Variants in AKNAD1 observed in about 807,000 individuals in gnomAD.
AKNAD1 encodes protein AKNAD1.
A neutral mutation model predicts 90.8 loss-of-function variants in AKNAD1; 67 were observed. That is an observed-to-expected ratio of 0.74 (90% CI 0.61 to 0.90). The LOEUF (loss-of-function observed/expected upper bound fraction) is 0.90, where lower values mean the gene tolerates loss of function less well. Ranked by LOEUF, AKNAD1 falls within the 40% of genes least tolerant of loss-of-function variation. The pLI is 0.00. For missense variants in AKNAD1, 957 were observed against 975.4 expected, an observed-to-expected ratio of 0.98 and a Z score of 0.25; for synonymous variants, 327 against 341.4, an observed-to-expected ratio of 0.96 and a Z score of 0.46.
intron 9 of AKNAD1, among the ~76,000 whole-genome samples, chr1:108,832,156 G>A (rs1034266193): frequency 2.0e-5 from 3 of 150,314 alleles, no homozygotes; most frequent in Non-Finnish European, 4.4e-5. Flanking sequence ...TGCATCATGA[G>A]TAAGTGGGAA....
intron 9 of AKNAD1, among the ~76,000 whole-genome samples, chr1:108,833,103 G>C (rs1570807576): frequency 6.6e-6 from 1 of 152,086 alleles, no homozygotes; most frequent in Non-Finnish European, 1.5e-5. Context: ...ATGTGTCAGA[G>C]TACATTAGTA....
At chr1:108,832,051 T>A (rs887168837) in intron 9 of AKNAD1, among the ~76,000 whole-genome samples, 4 of 152,154 alleles carry the variant, frequency 2.6e-5, no homozygotes, top group African/African-American at 9.7e-5. Context: ...GCTTCCCTTA[T>A]AGTCTCCTTA....
intron 6 of AKNAD1, among the ~76,000 whole-genome samples, chr1:108,842,396 C>T (rs1471723951): frequency 6.6e-6 from 1 of 152,128 alleles, no homozygotes; most frequent in Non-Finnish European, 1.5e-5. Flanking sequence ...AGAATCCTCT[C>T]CTTGAGTCCT....
intron 5 of AKNAD1, among the ~76,000 whole-genome samples, chr1:108,846,128 C>T (rs74115624): frequency 0.014 from 2,122 of 152,244 alleles, 52 homozygotes; most frequent in African/African-American, 0.047. Context: ...GCACGACATC[C>T]GCTCCAAAAT....
At chr1:108,845,103 G>A (rs1238284219) in intron 5 of AKNAD1, among the ~76,000 whole-genome samples, 2 of 152,128 alleles carry the variant, frequency 1.3e-5, no homozygotes, top group African/African-American at 4.8e-5. Flanking sequence ...ACAGGCATGA[G>A]CCACCACTCC....
At chr1:108,855,465 AT>A (rs1324109911) in intron 1 of AKNAD1, among the ~76,000 whole-genome samples, 2 of 150,632 alleles carry the variant, frequency 1.3e-5, no homozygotes, top group Non-Finnish European at 3.0e-5. Flanking sequence ...TTAAAACTCA[AT>A]CTGTAAATAA....
At chr1:108,826,809 G>A (rs1483472118) in intron 11 of AKNAD1, among the ~76,000 whole-genome samples, 6 of 144,622 alleles carry the variant, frequency 4.1e-5, no homozygotes, top group African/African-American at 1.6e-4. Flanking sequence ...GCATGATCAT[G>A]GCTCACTGCA....
rs1399472677 is a variant in AKNAD1 at position 108,829,054 on chromosome 1, C to A, written c.1838+1505G>T. On this transcript the variant is annotated intron_variant, in intron 10 of 15. Transcript: ENST00000370001. ...ACAAATATCCTGAAAACAGTATGTA[C>A]CTCAGCAAGCTTCATAAAGGACAAG... Among the ~76,000 whole-genome samples the A allele has an allele frequency of 2.0e-5, 3 of 151,754 alleles. 1 individual carries two copies. The East Asian group carries it at 5.9e-4, about 30-fold the overall frequency.
chr1:108,851,579 A>G, intron 2 of AKNAD1, 93 bp downstream of exon 2: 1 of 1,289,286 alleles, frequency 7.8e-7, no homozygotes, highest in Non-Finnish European at 1.1e-6. Context: ...CTTTGGAACT[A>G]GAACCAAGCT....
intron 5 of AKNAD1, among the ~76,000 whole-genome samples, chr1:108,847,098 C>A (rs1222449605): frequency 6.6e-6 from 1 of 152,090 alleles, no homozygotes; most frequent in East Asian, 1.9e-4. Flanking sequence ...GCTTCCGAAC[C>A]AATCTCTGTG....
intron 6 of AKNAD1, among the ~76,000 whole-genome samples, chr1:108,838,328 C>CAAA (rs1557833302): frequency 6.9e-6 from 1 of 145,130 alleles, no homozygotes; most frequent in African/African-American, 2.6e-5. Context: ...AGCCCCCCCC[C>CAAA]CAAAAAAAAC....
intron 13 of AKNAD1, 94 bp downstream of exon 13, chr1:108,823,276 C>A: frequency 9.6e-7 from 1 of 1,043,138 alleles, no homozygotes; most frequent in South Asian, 1.3e-5. Context: ...CCAGGGCTTC[C>A]CAGATGGAAG....
intron 2 of AKNAD1, among the ~76,000 whole-genome samples, chr1:108,850,502 A>G (rs1014479643): frequency 6.6e-6 from 1 of 152,184 alleles, no homozygotes; most frequent in African/African-American, 2.4e-5. Flanking sequence ...GGTTTCTCTC[A>G]GACCTAGAGA....
intron 14 of AKNAD1, among the ~76,000 whole-genome samples, chr1:108,819,002 AC>A (rs1439472889): frequency 1.3e-5 from 2 of 149,810 alleles, no homozygotes; most frequent in African/African-American, 4.9e-5. Flanking sequence ...TCCAAAGGTC[AC>A]GTTCTTAAAC....
intron 6 of AKNAD1, among the ~76,000 whole-genome samples, chr1:108,841,477 G>GAAAGAAGCAAATTACT (rs1396683824): frequency 4.6e-5 from 7 of 152,130 alleles, no homozygotes; most frequent in Admixed American, 1.3e-4. Context: ...GTTAATATGT[G>GAAAGAAGCAAATTACT]AAAGAAGCAA....
At chr1:108,835,144 C>T in intron 7 of AKNAD1, 88 bp from the exon 8 acceptor site, 1 of 1,455,392 alleles carries the variant, frequency 6.9e-7, no homozygotes, top group East Asian at 2.7e-5. Flanking sequence ...TACAGCACCC[C>T]TAAGGCACCA....
chr1:108,845,504 C>G (rs1041388139), intron 5 of AKNAD1, among the ~76,000 whole-genome samples: 8 of 152,216 alleles, frequency 5.3e-5, no homozygotes, highest in Non-Finnish European at 1.0e-4. Flanking sequence ...GGGGAGCTCC[C>G]CACGGGTCCT....
intron 5 of AKNAD1, among the ~76,000 whole-genome samples, chr1:108,848,377 C>T (rs1360914591): frequency 6.6e-6 from 1 of 152,174 alleles, no homozygotes; most frequent in Non-Finnish European, 1.5e-5. Flanking sequence ...TATTCAAAGT[C>T]ATATTTAATT....
At chr1:108,827,520 T>C (rs544446075) in intron 10 of AKNAD1, among the ~76,000 whole-genome samples, 125 of 151,562 alleles carry the variant, frequency 8.2e-4, no homozygotes, top group African/African-American at 2.9e-3. Flanking sequence ...GATAAGAAAA[T>C]GTATACAAGA....
Sources: gnomAD v4.1 joint callset for allele counts (sites outside exome capture counted in the v4.1 genomes callset) on GRCh38, gnomAD v4.1.1 for gene constraint, MANE v1.5 for transcripts, NCBI Gene and HGNC (gene_info 2026-07-23, HGNC 2026-07-21) for gene names.